Variants in THSD4 observed in about 807,000 individuals in gnomAD.
The protein encoded by THSD4 is thrombospondin type-1 domain-containing protein 4.
THSD4 carries 69 observed loss-of-function variants against 119.0 expected under a neutral mutation model. The observed-to-expected ratio is 0.58, with a 90% CI of 0.48 to 0.71. THSD4 has a LOEUF of 0.71. Among genes scored for constraint, THSD4 ranks in the 30% least tolerant of loss-of-function variants. The probability of loss-of-function intolerance (pLI) is 0.00; values close to 1 mark genes in which losing one functional copy is unlikely to be tolerated. For missense variants in THSD4, 1,393 were observed against 1,391.1 expected (o/e 1.00, Z -0.02); for synonymous variants, 524 against 540.4 (o/e 0.97, Z 0.42).
At chr15:71,574,407 C>G (rs1230905585) in intron 7 of THSD4, among the ~76,000 whole-genome samples, 1 of 152,134 alleles carries the variant, frequency 6.6e-6, no homozygotes, top group African/African-American at 2.4e-5. Flanking sequence ...ACTCCCTCAT[C>G]TAGATCCTCA....
chr15:71,759,181 A>G (rs933084438), intron 15 of THSD4, among the ~76,000 whole-genome samples: 21 of 152,352 alleles, frequency 1.4e-4, no homozygotes, highest in African/African-American at 4.3e-4. Context: ...TGCCACTTCA[A>G]TGTAGAGTTT....
chr15:71,240,050 T>C (rs1387608422), intron 4 of THSD4, among the ~76,000 whole-genome samples: 1 of 152,368 alleles, frequency 6.6e-6, no homozygotes, highest in African/African-American at 2.4e-5. Flanking sequence ...ATGCTGTTGC[T>C]CTGTCATTGG....
intron 7 of THSD4, among the ~76,000 whole-genome samples, chr15:71,540,441 T>C (rs2048743790): frequency 1.6e-5 from 2 of 121,490 alleles, no homozygotes; most frequent in South Asian, 5.5e-4. Flanking sequence ...TGGCCGCCTT[T>C]TTTTTTTTTT....
rs1401465561 is a variant in THSD4, at chr15:71,768,808, T to C, written c.2770-2256T>C. 2.0e-5 allele frequency among the ~76,000 whole-genome samples: 3 copies of C among 149,820 alleles called. No individual in the cohort carries two copies. The East Asian group carries it at 5.9e-4, about 29-fold the overall frequency. On this transcript the variant is annotated intron_variant, in intron 16 of 17. Coordinates refer to ENST00000261862, the MANE Select transcript of THSD4 (RefSeq NM_024817.3). ...TCTCGATCTTCTGACCTCCTCAGCTTCTGACCTGCTCTGCCCGCCTCTGCC... is the reference window on the plus strand; with the variant it reads ...TCTCGATCTTCTGACCTCCTCAGCTCCTGACCTGCTCTGCCCGCCTCTGCC...
intron 7 of THSD4, among the ~76,000 whole-genome samples, chr15:71,428,918 G>A (rs6494926): frequency 0.64 from 97,462 of 152,040 alleles, 31,616 homozygotes; most frequent in Middle Eastern, 0.77. Context: ...TCCTTAGCAT[G>A]TGTTAGAGAG....
At chr15:71,195,403 C>T (rs1365597642) in intron 3 of THSD4, among the ~76,000 whole-genome samples, 1 of 152,110 alleles carries the variant, frequency 6.6e-6, no homozygotes, top group Non-Finnish European at 1.5e-5. Flanking sequence ...TAGATGGAGC[C>T]AGGGAGGAAG....
chr15:71,301,576 C>A (rs1021702375), intron 6 of THSD4, among the ~76,000 whole-genome samples: 1 of 152,168 alleles, frequency 6.6e-6, no homozygotes. Flanking sequence ...GGCCTAGTTC[C>A]CCTCTAGTAC....
At chr15:71,111,500 C>G, upstream of THSD4, 1 of 1,082,768 alleles carries the variant, frequency 9.2e-7, no homozygotes, top group Admixed American at 2.6e-5. Context: ...TTTTTAGAAA[C>G]AGCTCAAAAT....
At chr15:71,336,891 A>G (rs529500079) in intron 6 of THSD4, among the ~76,000 whole-genome samples, 3 of 152,342 alleles carry the variant, frequency 2.0e-5, no homozygotes, top group South Asian at 4.1e-4. Flanking sequence ...CTGTTCCTTC[A>G]TGTCAACTGA....
chr15:71,450,333 C>T (rs2047244738), intron 7 of THSD4, among the ~76,000 whole-genome samples: 1 of 151,250 alleles, frequency 6.6e-6, no homozygotes, highest in South Asian at 2.1e-4. Flanking sequence ...ATAATGCAGG[C>T]AATTGAAGAT....
At chr15:71,125,556 C>G (rs192167346) in intron 1 of THSD4, among the ~76,000 whole-genome samples, 3 of 152,248 alleles carry the variant, frequency 2.0e-5, no homozygotes, top group Non-Finnish European at 4.4e-5. Flanking sequence ...TTTCCCCTCC[C>G]GGGTCACCAG....
intron 7 of THSD4, among the ~76,000 whole-genome samples, chr15:71,549,367 C>T (rs1183138011): frequency 4.6e-5 from 7 of 151,918 alleles, no homozygotes; most frequent in Non-Finnish European, 8.8e-5. Context: ...TGTGTGCATG[C>T]GTGTGTGAGT....
intron 3 of THSD4, chr15:71,164,811 C>A (rs564764764): frequency 6.3e-7 from 1 of 1,591,334 alleles, no homozygotes; most frequent in Admixed American, 1.8e-5. Context: ...TCATCTTCTT[C>A]ATCTTCCTCC....
chr15:71,622,500 T>G (rs1428412101), intron 7 of THSD4, among the ~76,000 whole-genome samples: 1 of 152,246 alleles, frequency 6.6e-6, no homozygotes, highest in Non-Finnish European at 1.5e-5. Flanking sequence ...GACTCCTTTT[T>G]GACAAATTCC....
chr15:71,566,122 C>A (rs1388174683), intron 7 of THSD4, among the ~76,000 whole-genome samples: 1 of 148,410 alleles, frequency 6.7e-6, no homozygotes, highest in Non-Finnish European at 1.5e-5. Context: ...TAAACCATTT[C>A]TTTTCTTTCT....
chr15:71,269,017 C>G (rs1306471870), intron 6 of THSD4, among the ~76,000 whole-genome samples: 1 of 152,106 alleles, frequency 6.6e-6, no homozygotes, highest in South Asian at 2.1e-4. Context: ...GATTCACAGG[C>G]AAATTCTACC....
intron 14 of THSD4, among the ~76,000 whole-genome samples, chr15:71,750,683 C>A (rs1228247609): frequency 3.3e-5 from 5 of 152,230 alleles, no homozygotes; most frequent in African/African-American, 1.2e-4. Flanking sequence ...ACTGTGCCCC[C>A]AGTCCCAGGA....
intron 10 of THSD4, among the ~76,000 whole-genome samples, chr15:71,735,311 C>T (rs1281068616): frequency 1.3e-5 from 2 of 152,150 alleles, no homozygotes; most frequent in African/African-American, 4.8e-5. Flanking sequence ...CAGCCAGGCC[C>T]CCTCTCCCGC....
At chr15:71,771,909 C>T (rs1196757354) in intron 17 of THSD4, among the ~76,000 whole-genome samples, 1 of 152,098 alleles carries the variant, frequency 6.6e-6, no homozygotes, top group Non-Finnish European at 1.5e-5. Context: ...CAGGGGAGCT[C>T]AAGTACAGCC....
Sources: allele counts gnomAD v4.1 joint callset (sites outside exome capture counted in the v4.1 genomes callset), GRCh38; gene constraint gnomAD v4.1.1; transcripts MANE v1.5; gene names NCBI Gene and HGNC (gene_info 2026-07-23, HGNC 2026-07-21).